SAMD5: variants seen among roughly 807,000 people sequenced by gnomAD.
SAMD5 encodes sterile alpha motif domain containing 5, also known as sterile alpha motif domain-containing protein 5.
Under a neutral mutation model 11.3 loss-of-function variants are expected in SAMD5, and 13 were observed. The ratio of observed to expected loss-of-function variants is 1.15; its 90% confidence interval spans 0.75 to 1.83. The LOEUF (loss-of-function observed/expected upper bound fraction) is 1.83, where lower values mean the gene tolerates loss of function less well. SAMD5 is among the 40% of genes most tolerant of loss of function. The pLI is 0.00. For synonymous variants in SAMD5, 129 were observed against 111.3 expected (o/e 1.16, Z -1.00); for missense variants, 255 against 239.1 (o/e 1.07, Z -0.44).
At chr6:147,735,499 G>C (rs1018922116) in intron 1 of SAMD5, among the ~76,000 whole-genome samples, 1 of 152,164 alleles carries the variant, frequency 6.6e-6, no homozygotes, top group Admixed American at 6.5e-5. Context: ...AAGAGAGAGA[G>C]GGAAAGGATC....
the SAMD5 span, among the ~76,000 whole-genome samples, chr6:147,763,023 G>T: frequency 6.6e-6 from 1 of 152,078 alleles, no homozygotes; most frequent in Admixed American, 6.6e-5. Flanking sequence ...TTTAAAAAAA[G>T]CTTGAGAAAT....
the SAMD5 span, among the ~76,000 whole-genome samples, chr6:147,840,394 A>G: frequency 5.9e-5 from 9 of 152,208 alleles, 1 homozygote; most frequent in South Asian, 2.1e-4. Context: ...TTCAAGATCT[A>G]TTCTGGGCAG....
At chr6:147,785,932 A>G in the SAMD5 span, among the ~76,000 whole-genome samples, 2 of 152,206 alleles carry the variant, frequency 1.3e-5, no homozygotes, top group African/African-American at 2.4e-5. Flanking sequence ...AATTAGCCAC[A>G]TAATTGTAGT....
chr6:147,608,626 T>G (rs545991342), intron 1 of SAMD5, among the ~76,000 whole-genome samples: 3 of 151,948 alleles, frequency 2.0e-5, no homozygotes, highest in Non-Finnish European at 4.4e-5. Flanking sequence ...AATAGAAGGA[T>G]GCTTACCAGA....
chr6:147,579,150 A>G (rs1789259155), intron 1 of SAMD5, among the ~76,000 whole-genome samples: 1 of 152,270 alleles, frequency 6.6e-6, no homozygotes, highest in Admixed American at 6.5e-5. Context: ...GGAGGAATGA[A>G]TAAAGGATTT....
chr6:147,850,397 T>C, the SAMD5 span, among the ~76,000 whole-genome samples: 3 of 152,300 alleles, frequency 2.0e-5, no homozygotes, highest in Admixed American at 1.3e-4. Flanking sequence ...ATTAAACTTA[T>C]ATTACTTTCA....
At chr6:147,742,828 A>G in the SAMD5 span, among the ~76,000 whole-genome samples, 4 of 152,226 alleles carry the variant, frequency 2.6e-5, no homozygotes, top group African/African-American at 9.6e-5. Flanking sequence ...TTAACTTCTT[A>G]TTTATTATTT....
rs148079883 is a variant in SAMD5 at position 147,666,913 on chromosome 6, T to C, written c.163-70404T>C. ...GGCCCTTTCCCTATCCGTCAAGCTT[T>C]CTCACCAACTTACTGGCAGTGCTCA... On this transcript the variant is annotated intron_variant, in intron 1 of 1. Transcript: ENST00000566741. Among the ~76,000 whole-genome samples the C allele has an allele frequency of 4.6e-5, 7 of 152,310 alleles. No homozygotes were observed. In the East Asian group the frequency reaches 1.4e-3, roughly 29 times the overall value.
At chr6:147,765,958 T>A in the SAMD5 span, among the ~76,000 whole-genome samples, 1 of 151,982 alleles carries the variant, frequency 6.6e-6, no homozygotes, top group Non-Finnish European at 1.5e-5. Flanking sequence ...GAAACAGGAT[T>A]TTTCAGGGAG....
intron 1 of SAMD5, among the ~76,000 whole-genome samples, chr6:147,560,722 A>C (rs988803531): frequency 6.6e-6 from 1 of 152,182 alleles, no homozygotes; most frequent in Admixed American, 6.5e-5. Flanking sequence ...ATAAATCTTA[A>C]TTTTTAACCA....
chr6:147,791,768 A>C, the SAMD5 span, among the ~76,000 whole-genome samples: 2 of 152,298 alleles, frequency 1.3e-5, no homozygotes, highest in East Asian at 3.9e-4. Context: ...TTTGGGATTA[A>C]GATTATGTCT....
chr6:147,920,736 G>A, the SAMD5 span, among the ~76,000 whole-genome samples: 1 of 152,180 alleles, frequency 6.6e-6, no homozygotes, highest in African/African-American at 2.4e-5. Context: ...ACTTGGTTCA[G>A]AAGCCTAGTT....
the SAMD5 span, among the ~76,000 whole-genome samples, chr6:147,894,563 T>TG: frequency 2.5e-4 from 38 of 152,296 alleles, no homozygotes; most frequent in African/African-American, 8.4e-4. Context: ...TGAGACCTAC[T>TG]GGGGGGAAAC....
At chr6:147,602,033 T>C (rs1172183496) in intron 1 of SAMD5, among the ~76,000 whole-genome samples, 1 of 152,226 alleles carries the variant, frequency 6.6e-6, no homozygotes, top group Non-Finnish European at 1.5e-5. Context: ...CTGAATTTGC[T>C]CACATCAAAT....
intron 1 of SAMD5, among the ~76,000 whole-genome samples, chr6:147,613,927 G>A (rs1226935632): frequency 2.6e-5 from 4 of 151,926 alleles, no homozygotes; most frequent in African/African-American, 7.3e-5. Context: ...CTATCCTTCT[G>A]GTGAGTGCTC....
chr6:147,905,110 A>T, the SAMD5 span, among the ~76,000 whole-genome samples: 25 of 151,506 alleles, frequency 1.7e-4, no homozygotes, highest in East Asian at 4.3e-3. Flanking sequence ...CTGGTCTCGA[A>T]CTCCCGACCT....
chr6:147,631,094 C>A (rs544524991), intron 1 of SAMD5, among the ~76,000 whole-genome samples: 73 of 152,124 alleles, frequency 4.8e-4, no homozygotes, highest in Non-Finnish European at 8.5e-4. Flanking sequence ...GGATTAGGGG[C>A]AGCATGGGAA....
intron 1 of SAMD5, among the ~76,000 whole-genome samples, chr6:147,577,572 C>T (rs1032095221): frequency 2.0e-5 from 3 of 152,026 alleles, no homozygotes; most frequent in African/African-American, 7.2e-5. Context: ...AAATCCTATT[C>T]ATCTGCTTTT....
chr6:147,731,878 G>GGCAA (rs1356063181), intron 1 of SAMD5, among the ~76,000 whole-genome samples: 1 of 152,020 alleles, frequency 6.6e-6, no homozygotes, highest in East Asian at 1.9e-4. Flanking sequence ...CATGTTAAGG[G>GGCAA]GCAAGACCTG....
Sources: allele counts gnomAD v4.1 joint callset (sites outside exome capture counted in the v4.1 genomes callset), GRCh38; gene constraint gnomAD v4.1.1; transcripts MANE v1.5; gene names NCBI Gene and HGNC (gene_info 2026-07-23, HGNC 2026-07-21).